UST: variants seen among roughly 807,000 people sequenced by gnomAD.
UST encodes the protein uronyl 2-sulfotransferase, also known as chondroitin sulfate 2-O-sulfotransferase.
In UST, 21 loss-of-function variants were observed where a neutral mutation model predicts 45.6. That is an observed-to-expected ratio of 0.46 (90% CI 0.33 to 0.66). The LOEUF is 0.66. Among genes scored for constraint, UST ranks in the 30% least tolerant of loss-of-function variants. The pLI, the probability that UST is intolerant of heterozygous loss-of-function variation, is 0.02. For missense variants in UST, 463 were observed against 512.4 expected, an observed-to-expected ratio of 0.90 and a Z score of 0.93; for synonymous variants, 215 against 200.6, an observed-to-expected ratio of 1.07 and a Z score of -0.61.
Position 148,934,345 on chromosome 6 carries a change from G to A in UST, c.292-6934G>A, listed in dbSNP as rs1413837410. ...GTTTGATTAACCATGAAATGGAGTT[G>A]CTGAAAAATCATGAACTGCAGTTTT... On this transcript the variant is annotated intron_variant, in intron 2 of 7. Coordinates refer to ENST00000367463, the MANE Select transcript of UST (RefSeq NM_005715.3). This position sits in a 1 kb window ranked among gnomAD's most constrained non-coding sequence, Gnocchi z 4.1. Among the ~76,000 whole-genome samples the A allele has an allele frequency of 6.6e-6, 1 of 152,220 alleles. No homozygotes were observed. Among genetic ancestry groups the A allele is most frequent in the African/African-American group, 2.4e-5 (1 of 41,446 alleles).
intron 1 of UST, among the ~76,000 whole-genome samples, chr6:148,847,867 G>T (rs1221398880): frequency 2.0e-5 from 3 of 152,180 alleles, no homozygotes; most frequent in African/African-American, 7.2e-5. Context: ...GTGATTTCTG[G>T]ATAAATACTC....
chr6:148,747,713 C>T, intron 1 of UST, 36 bp downstream of exon 1: 1 of 1,551,992 alleles, frequency 6.4e-7, no homozygotes, highest in Non-Finnish European at 8.7e-7. Flanking sequence ...GCGGCGCCGA[C>T]AGCGCAAAGT....
At chr6:149,040,587 G>A (rs1307479538) in intron 7 of UST, among the ~76,000 whole-genome samples, 3 of 152,106 alleles carry the variant, frequency 2.0e-5, no homozygotes, top group African/African-American at 4.8e-5. Context: ...CCCAGGAGGC[G>A]GAGGTTGCAG....
At chr6:148,880,106 C>T (rs897167048) in intron 1 of UST, among the ~76,000 whole-genome samples, 2 of 151,970 alleles carry the variant, frequency 1.3e-5, no homozygotes, top group African/African-American at 4.8e-5. Flanking sequence ...AGGTACCCAC[C>T]ACCAGGCTCA....
chr6:148,819,832 A>T (rs1296772456), intron 1 of UST, among the ~76,000 whole-genome samples: 2 of 152,226 alleles, frequency 1.3e-5, no homozygotes, highest in Non-Finnish European at 2.9e-5. Flanking sequence ...AGCATCTTCC[A>T]TTGGAAGTTC....
chr6:149,052,277 C>T (rs1776498487), intron 7 of UST, among the ~76,000 whole-genome samples: 1 of 152,094 alleles, frequency 6.6e-6, no homozygotes, highest in Non-Finnish European at 1.5e-5. Context: ...ACTGATGTTT[C>T]AAGGGAATAT....
intron 7 of UST, among the ~76,000 whole-genome samples, chr6:149,034,418 C>G (rs560023546): frequency 6.7e-6 from 1 of 150,318 alleles, no homozygotes; most frequent in Admixed American, 6.6e-5. Flanking sequence ...GCCCTCTCCT[C>G]TTTCCACCCA....
At chr6:148,788,107 C>G (rs1306911373) in intron 1 of UST, among the ~76,000 whole-genome samples, 1 of 152,144 alleles carries the variant, frequency 6.6e-6, no homozygotes. Context: ...GCTCTTCTTA[C>G]ATTGCAGCGG....
At chr6:148,813,961 A>T (rs547142501) in intron 1 of UST, among the ~76,000 whole-genome samples, 1 of 152,248 alleles carries the variant, frequency 6.6e-6, no homozygotes, top group African/African-American at 2.4e-5. Context: ...GAGATAAAAT[A>T]TAACTGTTTC....
At chr6:148,847,961 T>G (rs1778021528) in intron 1 of UST, among the ~76,000 whole-genome samples, 1 of 152,212 alleles carries the variant, frequency 6.6e-6, no homozygotes, top group African/African-American at 2.4e-5. Flanking sequence ...AAATTTGTCA[T>G]GGGTTAAAGA....
chr6:148,821,789 C>T (rs960490333), intron 1 of UST, among the ~76,000 whole-genome samples: 1 of 152,100 alleles, frequency 6.6e-6, no homozygotes, highest in Non-Finnish European at 1.5e-5. Context: ...AAGTTTTTCT[C>T]CCCCGTTTAC....
intron 5 of UST, among the ~76,000 whole-genome samples, chr6:148,975,447 T>G (rs1780997437): frequency 6.6e-6 from 1 of 152,212 alleles, no homozygotes; most frequent in Non-Finnish European, 1.5e-5. Flanking sequence ...ACACCTGTAA[T>G]GTGCCAGATA....
chr6:148,886,893 T>C (rs1377643638), intron 1 of UST, 93 bp from the exon 2 acceptor site: 2 of 1,043,978 alleles, frequency 1.9e-6, no homozygotes, highest in African/African-American at 1.6e-5. Context: ...GCAGAAATAC[T>C]GTATAACTAG....
rs540224101 is a variant in UST, at chr6:148,770,550, AGAGT to A, written c.247+22877_247+22880del. On this transcript the variant is annotated intron_variant, in intron 1 of 7. Transcript: ENST00000367463. The stretch of plus-strand genomic sequence containing the variant: ...AAGCCACCGAACATTTTTAGACCAC[AGAGT>A]GAGAGCAGATTTCTTATTCACAAAC... Among the ~76,000 whole-genome samples the A allele has an allele frequency of 1.3e-3, 193 of 152,286 alleles. 1 individual carries two copies. The highest frequency in any genetic ancestry group is 4.2e-3 in the African/African-American group (174 of 41,548).
chr6:148,762,536 T>C (rs1282087062), intron 1 of UST, among the ~76,000 whole-genome samples: 1 of 122,336 alleles, frequency 8.2e-6, no homozygotes, highest in African/African-American at 3.0e-5. Flanking sequence ...GGCTTCTATC[T>C]TTTTTTTTTT....
At chr6:148,939,075 A>G (rs375965514) in intron 2 of UST, among the ~76,000 whole-genome samples, 3 of 152,294 alleles carry the variant, frequency 2.0e-5, no homozygotes, top group East Asian at 1.9e-4. Context: ...ATTTTTACCA[A>G]TCAGTCCAAA....
intron 2 of UST, among the ~76,000 whole-genome samples, chr6:148,906,615 G>T (rs1430334475): frequency 6.6e-6 from 1 of 152,176 alleles, no homozygotes; most frequent in African/African-American, 2.4e-5. Flanking sequence ...GTCATGAAAG[G>T]TGATAGTATA....
chr6:149,025,930 C>T (rs6570919), intron 7 of UST, among the ~76,000 whole-genome samples: 1,534 of 151,958 alleles, frequency 0.01, 28 homozygotes, highest in African/African-American at 0.034. Flanking sequence ...GGGTGGATCA[C>T]GAGGTCAGGA....
chr6:148,897,122 C>T (rs1779146084), intron 2 of UST, among the ~76,000 whole-genome samples: 2 of 152,126 alleles, frequency 1.3e-5, no homozygotes, highest in African/African-American at 4.8e-5. Context: ...CACCCCACCC[C>T]ACACCCTATT....
Sources: gnomAD v4.1 joint callset for allele counts (sites outside exome capture counted in the v4.1 genomes callset) on GRCh38, gnomAD v4.1.1 for gene constraint, Gnocchi (gnomAD v3.1) non-coding constraint, MANE v1.5 for transcripts, NCBI Gene and HGNC (gene_info 2026-07-23, HGNC 2026-07-21) for gene names.